FOXJ3: variants seen among roughly 807,000 people sequenced by gnomAD.
FOXJ3 encodes forkhead box protein J3.
In FOXJ3, 22 loss-of-function variants were observed where a neutral mutation model predicts 76.1. That is an observed-to-expected ratio of 0.29 (90% CI 0.21 to 0.41). FOXJ3 has a LOEUF of 0.41. FOXJ3 is among the 10% of genes least tolerant of loss of function. FOXJ3 has a pLI of 1.00. For synonymous variants in FOXJ3, 269 were observed against 261.2 expected (o/e 1.03, Z -0.29); for missense variants, 613 against 762.1 (o/e 0.80, Z 2.30).
intron 2 of FOXJ3, among the ~76,000 whole-genome samples, chr1:42,299,237 T>C (rs1357000607): frequency 6.6e-6 from 1 of 152,236 alleles, no homozygotes; most frequent in Non-Finnish European, 1.5e-5. Context: ...ATTATTGTAT[T>C]GCTATCAATC....
At chr1:42,217,893 C>CA (rs1347365327) in intron 5 of FOXJ3, among the ~76,000 whole-genome samples, 2 of 152,106 alleles carry the variant, frequency 1.3e-5, no homozygotes, top group Non-Finnish European at 2.9e-5. Flanking sequence ...TGTAAAAAAA[C>CA]AAAAACCTAC....
At chr1:42,293,954 G>A (rs1653611292) in intron 2 of FOXJ3, among the ~76,000 whole-genome samples, 1 of 152,140 alleles carries the variant, frequency 6.6e-6, no homozygotes. Context: ...CACTAGTAGG[G>A]GGTGGAATAA....
intron 3 of FOXJ3, among the ~76,000 whole-genome samples, chr1:42,265,802 T>A (rs949030305): frequency 6.6e-6 from 1 of 152,082 alleles, no homozygotes. Context: ...GAAAACCACA[T>A]GGAAAGATAC....
chr1:42,287,570 T>C (rs1476375302), intron 2 of FOXJ3, among the ~76,000 whole-genome samples: 2 of 152,196 alleles, frequency 1.3e-5, no homozygotes, highest in African/African-American at 4.8e-5. Flanking sequence ...AATATGTTTA[T>C]TGCTCTTCTC....
At chr1:42,329,387 C>A (rs143916955) in intron 1 of FOXJ3, among the ~76,000 whole-genome samples, 72 of 152,282 alleles carry the variant, frequency 4.7e-4, no homozygotes, top group Admixed American at 1.1e-3. Flanking sequence ...CTTATTTGTG[C>A]ACTAAAATCA....
intron 6 of FOXJ3, among the ~76,000 whole-genome samples, chr1:42,204,703 C>T (rs1388504424): frequency 6.6e-6 from 1 of 151,654 alleles, no homozygotes; most frequent in Non-Finnish European, 1.5e-5. Flanking sequence ...CTACCACCAC[C>T]CCCCACCCCC....
At chr1:42,198,371 A>G (rs969044108) in intron 7 of FOXJ3, among the ~76,000 whole-genome samples, 4 of 151,950 alleles carry the variant, frequency 2.6e-5, no homozygotes, top group East Asian at 3.9e-4. Context: ...CCCTCCCTTT[A>G]TATCTTTGTC....
intron 4 of FOXJ3, among the ~76,000 whole-genome samples, chr1:42,259,446 A>G (rs1650867110): frequency 6.6e-6 from 1 of 152,196 alleles, no homozygotes; most frequent in African/African-American, 2.4e-5. Flanking sequence ...AAAGAGGCCA[A>G]CAACAACAAA....
At chr1:42,321,479 G>A (rs1655426070) in intron 1 of FOXJ3, among the ~76,000 whole-genome samples, 1 of 152,034 alleles carries the variant, frequency 6.6e-6, no homozygotes, top group Admixed American at 6.6e-5. Flanking sequence ...ATCCAGGTCT[G>A]GATTATTTAC....
At chr1:42,263,042 C>T (rs1651177406) in intron 4 of FOXJ3, among the ~76,000 whole-genome samples, 1 of 152,100 alleles carries the variant, frequency 6.6e-6, no homozygotes, top group Non-Finnish European at 1.5e-5. Context: ...AAGATGAAAG[C>T]TCTCATTAGC....
chr1:42,311,144 T>A, intron 1 of FOXJ3, 34 bp from the exon 2 acceptor site: 1 of 1,379,968 alleles, frequency 7.2e-7, no homozygotes, highest in Non-Finnish European at 1.0e-6. Context: ...TATCAGATAC[T>A]GCAAAGTAAA....
chr1:42,268,493 G>A (rs1002772080), intron 3 of FOXJ3, among the ~76,000 whole-genome samples: 29 of 151,624 alleles, frequency 1.9e-4, no homozygotes, highest in African/African-American at 5.1e-4. Context: ...GAACAGTGCC[G>A]GAAATGGTAA....
At chr1:42,296,746 C>T (rs1441514363) in intron 2 of FOXJ3, among the ~76,000 whole-genome samples, 1 of 152,188 alleles carries the variant, frequency 6.6e-6, no homozygotes. Context: ...AATCTGATGC[C>T]TCTGAATTTG....
chr1:42,315,713 T>C (rs1367990586), intron 1 of FOXJ3, among the ~76,000 whole-genome samples: 1 of 152,212 alleles, frequency 6.6e-6, no homozygotes, highest in Non-Finnish European at 1.5e-5. Flanking sequence ...AGGCTAAGGT[T>C]CACATTGAAG....
intron 1 of FOXJ3, among the ~76,000 whole-genome samples, chr1:42,333,489 T>C (rs1441123831): frequency 6.6e-6 from 1 of 152,122 alleles, no homozygotes; most frequent in East Asian, 1.9e-4. Context: ...TCACCTCAAT[T>C]CTGAGACACA....
intron 1 of FOXJ3, among the ~76,000 whole-genome samples, chr1:42,314,065 T>C (rs58012995): frequency 0.031 from 4,781 of 152,266 alleles, 242 homozygotes; most frequent in African/African-American, 0.11. Flanking sequence ...TAAGAATGGC[T>C]TTCAGGTTTC....
At chr1:42,231,145 C>T (rs1037218535) in intron 4 of FOXJ3, among the ~76,000 whole-genome samples, 7 of 120,544 alleles carry the variant, frequency 5.8e-5, no homozygotes, top group African/African-American at 2.1e-4. Context: ...AAACCCCCGT[C>T]TCTACTTAAA....
chr1:42,205,735 C>T, intron 6 of FOXJ3, 27 bp downstream of exon 6: 1 of 1,243,576 alleles, frequency 8.0e-7, no homozygotes, highest in African/African-American at 1.5e-5. Flanking sequence ...AATGACATTT[C>T]AATAATGTTT....
At chr1:42,214,878 G>A (rs1647034839) in intron 5 of FOXJ3, among the ~76,000 whole-genome samples, 2 of 152,246 alleles carry the variant, frequency 1.3e-5, no homozygotes, top group South Asian at 4.1e-4. Flanking sequence ...GTGCCAGGCT[G>A]AGGCCTGAAC....
Sources: gnomAD v4.1 joint callset for allele counts (sites outside exome capture counted in the v4.1 genomes callset) on GRCh38, gnomAD v4.1.1 for gene constraint, MANE v1.5 for transcripts, NCBI Gene and HGNC (gene_info 2026-07-23, HGNC 2026-07-21) for gene names.